MIIP: variants seen among roughly 807,000 people sequenced by gnomAD.
MIIP encodes the protein migration and invasion-inhibitory protein.
In MIIP, 44 loss-of-function variants were observed where a neutral mutation model predicts 44.8. That is an observed-to-expected ratio of 0.98 (90% confidence interval 0.77 to 1.26). The LOEUF is 1.26. Ranked by LOEUF, MIIP falls within the 50% of genes most tolerant of loss-of-function variation. The pLI is 0.00. For synonymous variants in MIIP, 225 were observed against 218.3 expected (o/e 1.03, Z -0.27); for missense variants, 496 against 511.7 (o/e 0.97, Z 0.30).
At chr1:12,025,028 C>CTTTTTTTTTTTTTTTT (rs147513513) in intron 4 of MIIP, among the ~76,000 whole-genome samples, 51 of 123,824 alleles carry the variant, frequency 4.1e-4, no homozygotes, top group African/African-American at 5.4e-4. Context: ...AATTCCCTTC[C>CTTTTTTTTTTTTTTTT]TTTTTTTTTT....
Position 12,021,632 on chromosome 1 carries a change from G to T in MIIP, c.-82-13G>T. 3 of 1,113,652 alleles carry T rather than the reference G, an allele frequency of 2.7e-6. No individual in the cohort carries two copies. Among genetic ancestry groups the T allele is most frequent in the Non-Finnish European group, 4.0e-6 (3 of 756,536 alleles). The allele number at this position is 1,113,652 out of a possible 1,614,324, so 69.0% of individuals were successfully genotyped here. Reference sequence around the variant, plus strand: ...ACCCTACTGAGCCCCGTGTCCTGCTGTCTTGACTTCAGGTAGAAGAGCTGG... The same window carrying T: ...ACCCTACTGAGCCCCGTGTCCTGCTTTCTTGACTTCAGGTAGAAGAGCTGG... On this transcript the variant is annotated splice_polypyrimidine_tract_variant and intron_variant, in intron 1 of 9. Coordinates refer to ENST00000235332, the MANE Select transcript of MIIP (RefSeq NM_021933.4).
intron 8 of MIIP, 63 bp downstream of exon 8, chr1:12,030,187 C>G: frequency 6.6e-7 from 1 of 1,509,744 alleles, no homozygotes; most frequent in Non-Finnish European, 9.2e-7. Context: ...GGCCCAGATC[C>G]CCAGGGAGGG....
chr1:12,021,287 A>G (rs916634941), intron 1 of MIIP, among the ~76,000 whole-genome samples: 1 of 151,684 alleles, frequency 6.6e-6, no homozygotes, highest in African/African-American at 2.4e-5. Flanking sequence ...CCAGCTACTC[A>G]GGAGGCTGAG....
chr1:12,024,850 C>T (rs894752924), intron 4 of MIIP, among the ~76,000 whole-genome samples: 8 of 152,128 alleles, frequency 5.3e-5, no homozygotes, highest in Admixed American at 3.9e-4. Flanking sequence ...ACTCCCATTC[C>T]CCCTCCCTCC....
Position 12,030,377 on chromosome 1 carries a change from C to T in MIIP, c.942+253C>T, listed in dbSNP as rs141063352. The stretch of plus-strand genomic sequence containing the variant: ...TGACATGAATGGGTCCTGTTTATTG[C>T]GCTTTTGTGTACTGCAGGCACAGTC... On this transcript the variant is annotated intron_variant, in intron 8 of 9. Coordinates refer to ENST00000235332, the MANE Select transcript of MIIP (RefSeq NM_021933.4). Among the ~76,000 whole-genome samples, 21 of 152,058 alleles carry T rather than the reference C, an allele frequency of 1.4e-4. No homozygotes were observed. The East Asian group carries it at 3.5e-3, about 25-fold the overall frequency.
At chr1:12,027,145 A>G (rs1640121536) in intron 4 of MIIP, among the ~76,000 whole-genome samples, 1 of 151,610 alleles carries the variant, frequency 6.6e-6, no homozygotes, top group Admixed American at 6.6e-5. Context: ...AGTAGCTGGG[A>G]TTACAGGCAT....
rs1640199895 is a variant in MIIP at position 12,030,022 on chromosome 1, G to A, written c.846-6G>A. On this transcript the variant is annotated splice_region_variant and splice_polypyrimidine_tract_variant and intron_variant, in intron 7 of 9. Coordinates refer to ENST00000235332, the MANE Select transcript of MIIP (RefSeq NM_021933.4). ...CTCAGGGGTCCCCCACTGCCCCCCTGCGCAGGGTGAGCATCCCGCTGTCGA... is the reference window on the plus strand; with the variant it reads ...CTCAGGGGTCCCCCACTGCCCCCCTACGCAGGGTGAGCATCCCGCTGTCGA... The A allele has an allele frequency of 6.2e-7, 1 of 1,613,214 alleles. No individual in the cohort carries two copies. Among genetic ancestry groups the A allele is most frequent in the Non-Finnish European group, 8.5e-7 (1 of 1,179,786 alleles).
chr1:12,021,981 C>A, intron 2 of MIIP, 114 bp from the exon 3 acceptor site: 1 of 1,324,710 alleles, frequency 7.5e-7, no homozygotes, highest in South Asian at 1.3e-5. Flanking sequence ...AGAGACTGGC[C>A]TTGGTCACTG....
At position 12,029,075 on chromosome 1, in the gene MIIP, C is replaced by A. The variant is rs1640166264; in HGVS notation, c.590C>A (p.Ala197Asp). 3 of 1,614,056 alleles carry A rather than the reference C, an allele frequency of 1.9e-6. No homozygotes were observed. In the Admixed American group the frequency reaches 5.0e-5, roughly 27 times the overall value. ...TSSSITSQPE[A>D]FFSKLQEFRE... ...TCTTCCATCACCAGCCAGCCTGAGGCCTTCTTCTCCAAGCTGCAGGAGTTT... is the reference window on the plus strand; with the variant it reads ...TCTTCCATCACCAGCCAGCCTGAGGACTTCTTCTCCAAGCTGCAGGAGTTT... Residue 197 changes from alanine (A) to aspartate (D), a missense_variant, in exon 5 of 10, where the codon GCC (alanine) becomes GAC (aspartate). Coordinates refer to ENST00000235332, the MANE Select transcript of MIIP (RefSeq NM_021933.4).
chr1:12,022,563 CTG>C, intron 3 of MIIP, 121 bp downstream of exon 3: 1 of 877,462 alleles, frequency 1.1e-6, no homozygotes, highest in Non-Finnish European at 1.7e-6. Context: ...CTGGGAGATA[CTG>C]TGAGTTGGGT....
chr1:12,029,053 TC>T lies in MIIP; in HGVS notation c.570del (p.Ile191SerfsTer93). Reference sequence around the variant, plus strand: ...ACCAGGGTCTCTGGACACCAGCTCTTCCATCACCAGCCAGCCTGAGGCCTTC... The same window carrying T: ...ACCAGGGTCTCTGGACACCAGCTCTTCATCACCAGCCAGCCTGAGGCCTTC... ...WIAGSLDTSS[S>X]ITSQPEAFFS... On this transcript the variant is annotated frameshift_variant, in exon 5 of 10. Transcript: ENST00000235332. LOFTEE classifies it high-confidence loss of function. 1 of 1,614,076 alleles carries T rather than the reference TC, an allele frequency of 6.2e-7. No homozygotes were observed. Among genetic ancestry groups the T allele is most frequent in the Non-Finnish European group, 8.5e-7 (1 of 1,179,970 alleles).
intron 6 of MIIP, 47 bp downstream of exon 6, chr1:12,029,328 C>T: frequency 6.4e-7 from 1 of 1,569,524 alleles, no homozygotes; most frequent in Non-Finnish European, 8.7e-7. Flanking sequence ...CAGCCTCGCG[C>T]TGCCCTGGCC....
At position 12,022,196 on chromosome 1, in the gene MIIP, C is replaced by T. The variant is rs139363608; in HGVS notation, c.216C>T (p.Ser72=). Residue 72 remains serine (S), a synonymous_variant, in exon 3 of 10, where the codon TCC becomes TCT. Coordinates refer to ENST00000235332, the MANE Select transcript of MIIP (RefSeq NM_021933.4). The part of the protein sequence containing the change: ...LSTSCPRGRS[S]VWGPPDACRG... ...CCTCCTGCCCACGGGGCCGGTCCTC[C>T]GTGTGGGGCCCACCAGATGCCTGTC... 32 of 1,613,266 alleles carry T rather than the reference C, an allele frequency of 2.0e-5. No individual in the cohort carries two copies. The highest frequency in any genetic ancestry group is 6.6e-5 in the South Asian group (6 of 91,030).
intron 3 of MIIP, 40 bp from the exon 4 acceptor site, chr1:12,022,793 T>C: frequency 6.6e-7 from 1 of 1,516,138 alleles, no homozygotes; most frequent in Non-Finnish European, 9.1e-7. Flanking sequence ...GGGCCAGGCC[T>C]CTTGGCTTAG....
At position 12,031,834 on chromosome 1, in the gene MIIP, A is replaced by G; in HGVS notation, c.*26A>G. ...GGACTGACTCCTGGGGGAGAACAGCATTCCCGCCGCCTCCAGCCTCTCCCC... is the reference window on the plus strand; with the variant it reads ...GGACTGACTCCTGGGGGAGAACAGCGTTCCCGCCGCCTCCAGCCTCTCCCC... On this transcript the variant is annotated 3_prime_UTR_variant, in exon 10 of 10. Coordinates refer to ENST00000235332, the MANE Select transcript of MIIP (RefSeq NM_021933.4). The G allele has an allele frequency of 6.2e-7, 1 of 1,604,938 alleles. No individual in the cohort carries two copies. Among genetic ancestry groups the G allele is most frequent in the Non-Finnish European group, 8.5e-7 (1 of 1,172,958 alleles).
chr1:12,025,028 C>CTTTTTTTTTTTTTTTTTT (rs147513513), intron 4 of MIIP, among the ~76,000 whole-genome samples: 75 of 123,844 alleles, frequency 6.1e-4, no homozygotes, highest in African/African-American at 7.3e-4. Flanking sequence ...AATTCCCTTC[C>CTTTTTTTTTTTTTTTTTT]TTTTTTTTTT....
At position 12,030,025 on chromosome 1, in the gene MIIP, C is replaced by A. The variant is rs772112877; in HGVS notation, c.846-3C>A. The stretch of plus-strand genomic sequence containing the variant: ...AGGGGTCCCCCACTGCCCCCCTGCG[C>A]AGGGTGAGCATCCCGCTGTCGATCC... On this transcript the variant is annotated splice_region_variant and splice_polypyrimidine_tract_variant and intron_variant, in intron 7 of 9. Coordinates refer to ENST00000235332, the MANE Select transcript of MIIP (RefSeq NM_021933.4). 7 of 1,613,366 alleles carry A rather than the reference C, an allele frequency of 4.3e-6. No homozygotes were observed. The South Asian group carries it at 7.7e-5, about 18-fold the overall frequency.
intron 1 of MIIP, among the ~76,000 whole-genome samples, chr1:12,021,173 T>G (rs1299592030): frequency 1.3e-5 from 2 of 151,816 alleles, no homozygotes; most frequent in Admixed American, 1.3e-4. Flanking sequence ...GGCAGGCGGA[T>G]CACAAGGTCA....
intron 4 of MIIP, among the ~76,000 whole-genome samples, chr1:12,026,414 G>A (rs931172899): frequency 6.6e-6 from 1 of 152,150 alleles, no homozygotes; most frequent in Admixed American, 6.5e-5. Flanking sequence ...CCTCCTTCCT[G>A]GTTCTGGGAA....
Sources: gnomAD v4.1 joint callset for allele counts (sites outside exome capture counted in the v4.1 genomes callset) on GRCh38, gnomAD v4.1.1 for gene constraint, MANE v1.5 for transcripts, NCBI Gene and HGNC (gene_info 2026-07-23, HGNC 2026-07-21) for gene names.